Variants in MTUS2 observed in about 807,000 individuals in gnomAD.
MTUS2 encodes the protein microtubule-associated tumor suppressor candidate 2.
MTUS2 carries 40 observed loss-of-function variants against 114.1 expected under a neutral mutation model. The observed-to-expected ratio is 0.35, with a 90% CI of 0.27 to 0.46. The LOEUF (loss-of-function observed/expected upper bound fraction) is 0.46, where lower values mean the gene tolerates loss of function less well. MTUS2 is among the 20% of genes least tolerant of loss of function. MTUS2 has a pLI of 1.00. For synonymous variants in MTUS2, 688 were observed against 672.0 expected (o/e 1.02, Z -0.37); for missense variants, 1,679 against 1,705.4 (o/e 0.98, Z 0.27).
At chr13:29,233,118 T>A (rs568366755) in intron 5 of MTUS2, among the ~76,000 whole-genome samples, 1 of 152,322 alleles carries the variant, frequency 6.6e-6, no homozygotes, top group East Asian at 1.9e-4. Flanking sequence ...GTTGCCTTTT[T>A]GAAAAATAGG....
rs1019838691 is a variant in MTUS2, at chr13:28,884,371, G to A, written c.-243+44521G>A. On this transcript the variant is annotated intron_variant, in intron 2 of 15. Transcript: ENST00000612955. ...ACATTAGGCAAATTCATAGAGACAG[G>A]AAGTAGAATGGTGGTTGCTAGGGGC... Among the ~76,000 whole-genome samples the A allele has an allele frequency of 1.2e-4, 18 of 152,148 alleles. No homozygotes were observed. The South Asian group carries it at 1.2e-3, about 11-fold the overall frequency.
At chr13:29,295,258 T>A (rs1044072015) in intron 6 of MTUS2, among the ~76,000 whole-genome samples, 5 of 152,184 alleles carry the variant, frequency 3.3e-5, no homozygotes, top group African/African-American at 1.2e-4. Context: ...TATGTATCAT[T>A]TCTATGTGTT....
intron 7 of MTUS2, among the ~76,000 whole-genome samples, chr13:29,332,146 C>G (rs540643425): frequency 1.8e-4 from 28 of 152,282 alleles, no homozygotes; most frequent in African/African-American, 6.7e-4. Context: ...ACCAGCTCCT[C>G]TTTGTACCTC....
At chr13:29,178,681 TAAA>T (rs1165203040) in intron 5 of MTUS2, among the ~76,000 whole-genome samples, 17 of 149,780 alleles carry the variant, frequency 1.1e-4, no homozygotes, top group East Asian at 1.9e-4. Context: ...ACAGAATTAT[TAAA>T]AAAAAAAAAA....
chr13:29,338,333 T>TC (rs1269209545), intron 7 of MTUS2, among the ~76,000 whole-genome samples: 3 of 150,978 alleles, frequency 2.0e-5, no homozygotes, highest in African/African-American at 7.3e-5. Context: ...ACACCTGTAA[T>TC]CCCAGCACTT....
chr13:29,436,119 C>T (rs1014047164), intron 8 of MTUS2, among the ~76,000 whole-genome samples: 9 of 152,162 alleles, frequency 5.9e-5, no homozygotes, highest in Admixed American at 3.3e-4. Context: ...TAGTCAGGAG[C>T]GGACCCTGCC....
At chr13:29,436,443 T>C (rs1877415381) in intron 8 of MTUS2, among the ~76,000 whole-genome samples, 1 of 152,190 alleles carries the variant, frequency 6.6e-6, no homozygotes, top group African/African-American at 2.4e-5. Flanking sequence ...TACCTAACAT[T>C]GTGCCTGGAC....
At chr13:29,107,893 ATAAG>A (rs573912237) in intron 5 of MTUS2, among the ~76,000 whole-genome samples, 2 of 152,188 alleles carry the variant, frequency 1.3e-5, no homozygotes, top group Non-Finnish European at 2.9e-5. Flanking sequence ...AATATATAAA[ATAAG>A]TAAATGTTCT....
intron 4 of MTUS2, among the ~76,000 whole-genome samples, chr13:29,043,071 CTTT>C (rs1158144671): frequency 6.6e-6 from 1 of 151,694 alleles, no homozygotes; most frequent in Non-Finnish European, 1.5e-5. Flanking sequence ...TCTGTTTGTC[CTTT>C]TTCCAATTTT....
In MTUS2 at chr13:29,496,076, G is replaced by A. The variant is rs756302859; in HGVS notation, c.3580-1162G>A. On this transcript the variant is annotated intron_variant, in intron 12 of 15. Coordinates refer to ENST00000612955, the MANE Select transcript of MTUS2 (RefSeq NM_001033602.4). This position sits in a 1 kb window ranked among gnomAD's most constrained non-coding sequence, Gnocchi z 4.3. ...GCATGAGTGAGACATGAAGGGTGAA[G>A]GTCTCCTTGGGCATCAGTGGTCCTT... is the stretch of plus-strand genomic sequence containing the variant. Among the ~76,000 whole-genome samples the A allele has an allele frequency of 3.9e-5, 6 of 152,196 alleles. No homozygotes were observed. The highest frequency in any genetic ancestry group is 1.5e-5 in the Non-Finnish European group (1 of 68,030).
At chr13:29,396,084 C>T (rs970512013) in intron 8 of MTUS2, among the ~76,000 whole-genome samples, 17 of 152,156 alleles carry the variant, frequency 1.1e-4, no homozygotes, top group Admixed American at 6.5e-5. Flanking sequence ...GTCACTAAGT[C>T]ACCGGCATTT....
intron 2 of MTUS2, among the ~76,000 whole-genome samples, chr13:28,842,766 A>T (rs1422129880): frequency 2.0e-5 from 3 of 152,214 alleles, no homozygotes; most frequent in Non-Finnish European, 4.4e-5. Flanking sequence ...ATGTTAGATT[A>T]GGTATAGAGC....
intron 6 of MTUS2, among the ~76,000 whole-genome samples, chr13:29,315,248 A>G (rs1899937439): frequency 6.6e-6 from 1 of 152,226 alleles, no homozygotes; most frequent in African/African-American, 2.4e-5. Context: ...CTAGTGTTCT[A>G]TAAAACTGTA....
At chr13:29,116,794 T>C (rs1414771393) in intron 5 of MTUS2, among the ~76,000 whole-genome samples, 1 of 152,134 alleles carries the variant, frequency 6.6e-6, no homozygotes, top group Non-Finnish European at 1.5e-5. Flanking sequence ...GACCAAGGGA[T>C]GATTCCCATC....
At chr13:29,372,788 G>T (rs1871301958) in intron 8 of MTUS2, among the ~76,000 whole-genome samples, 1 of 152,038 alleles carries the variant, frequency 6.6e-6, no homozygotes. Context: ...TTACTTATAT[G>T]AAGACCCAAC....
At chr13:28,894,285 G>GT (rs1566203516) in intron 2 of MTUS2, among the ~76,000 whole-genome samples, 2 of 33,100 alleles carry the variant, frequency 6.0e-5, no homozygotes, top group African/African-American at 4.6e-4. Flanking sequence ...TTGGTGGGGG[G>GT]GGGGGAGAGA....
intron 8 of MTUS2, among the ~76,000 whole-genome samples, chr13:29,381,239 A>C (rs1872183305): frequency 6.6e-6 from 1 of 152,144 alleles, no homozygotes; most frequent in Non-Finnish European, 1.5e-5. Context: ...AGGACAGATA[A>C]AGTAGACTAG....
chr13:29,345,318 A>T (rs1365213651), intron 7 of MTUS2, among the ~76,000 whole-genome samples: 1 of 152,018 alleles, frequency 6.6e-6, no homozygotes. Context: ...GTCATTTAAC[A>T]TAATCCCAAA....
chr13:29,472,694 A>G (rs1303301590), intron 9 of MTUS2, among the ~76,000 whole-genome samples: 1 of 152,252 alleles, frequency 6.6e-6, no homozygotes, highest in African/African-American at 2.4e-5. Flanking sequence ...GCAAAATGAT[A>G]TATGGGTGAA....
Sources: gnomAD v4.1 joint callset for allele counts (sites outside exome capture counted in the v4.1 genomes callset) on GRCh38, gnomAD v4.1.1 for gene constraint, Gnocchi (gnomAD v3.1) non-coding constraint, MANE v1.5 for transcripts, NCBI Gene and HGNC (gene_info 2026-07-23, HGNC 2026-07-21) for gene names.